The following RORA variants were observed in gnomAD, a reference collection of about 807,000 sequenced individuals.
The protein encoded by RORA is RAR related orphan receptor A.
In RORA, 7 loss-of-function variants were observed where a neutral mutation model predicts 69.5. The ratio of observed to expected loss-of-function variants is 0.10; its 90% CI spans 0.06 to 0.19. The LOEUF is 0.19. Ranked by LOEUF, RORA falls within the 10% of genes least tolerant of loss-of-function variation. The pLI is 1.00. For missense variants in RORA, 457 were observed against 663.0 expected (o/e 0.69, Z 3.41); for synonymous variants, 261 against 240.8 (o/e 1.08, Z -0.78).
At chr15:60,677,393 A>G (rs765156786) in intron 2 of RORA, 9 of 364,330 alleles carry the variant, frequency 2.5e-5, no homozygotes, top group Non-Finnish European at 5.1e-5. Context: ...GGGACAGCCA[A>G]CTGGAACTGT....
At chr15:60,593,168 C>CAACCCTTGGA (rs2068590188) in intron 2 of RORA, 1 of 301,928 alleles carries the variant, frequency 3.3e-6, no homozygotes, top group Non-Finnish European at 6.5e-6. Flanking sequence ...CAACCCTTGG[C>CAACCCTTGGA]AACCCTTGGA....
chr15:61,012,394 G>A (rs1030541763), intron 1 of RORA, among the ~76,000 whole-genome samples: 11 of 152,034 alleles, frequency 7.2e-5, no homozygotes, highest in African/African-American at 2.7e-4. Context: ...TGTTCCTCTT[G>A]CCTTATTCTC....
chr15:61,222,669 ATATCAT>A (rs1469741356), intron 1 of RORA, among the ~76,000 whole-genome samples: 1 of 152,196 alleles, frequency 6.6e-6, no homozygotes, highest in Non-Finnish European at 1.5e-5. Flanking sequence ...ACTGCAGACT[ATATCAT>A]TAAGTCAAGT....
chr15:60,712,995 A>G (rs1469242466), intron 1 of RORA, among the ~76,000 whole-genome samples: 1 of 152,196 alleles, frequency 6.6e-6, no homozygotes, highest in African/African-American at 2.4e-5. Flanking sequence ...GCAGGGAAAA[A>G]AAAACAACAA....
At chr15:60,627,028 G>T (rs2069601557) in intron 2 of RORA, among the ~76,000 whole-genome samples, 1 of 152,192 alleles carries the variant, frequency 6.6e-6, no homozygotes, top group South Asian at 2.1e-4. Flanking sequence ...GTCACCTCCT[G>T]ACCTTTGGCT....
At chr15:60,738,272 A>G (rs1218414147) in intron 1 of RORA, among the ~76,000 whole-genome samples, 1 of 152,258 alleles carries the variant, frequency 6.6e-6, no homozygotes, top group African/African-American at 2.4e-5. Flanking sequence ...CAACTCTTCA[A>G]TATGCCAGAG....
intron 1 of RORA, among the ~76,000 whole-genome samples, chr15:60,997,895 C>G (rs1304713716): frequency 6.6e-6 from 1 of 152,160 alleles, no homozygotes; most frequent in African/African-American, 2.4e-5. Context: ...TCAAGGAAAC[C>G]ATTTATTAGG....
At chr15:60,984,340 T>A (rs773444297) in intron 1 of RORA, among the ~76,000 whole-genome samples, 2 of 151,980 alleles carry the variant, frequency 1.3e-5, no homozygotes, top group Non-Finnish European at 1.5e-5. Flanking sequence ...TATATTTTTG[T>A]TGTTTTTAAA....
At chr15:60,742,291 T>C (rs1449254157) in intron 1 of RORA, among the ~76,000 whole-genome samples, 1 of 150,938 alleles carries the variant, frequency 6.6e-6, no homozygotes, top group Non-Finnish European at 1.5e-5. Context: ...CAGGTAGATA[T>C]GTAAGTGCAG....
rs193292152 is a variant in RORA, at chr15:60,715,796, C to T, written c.167-37110G>A. On this transcript the variant is annotated intron_variant, in intron 1 of 10. Coordinates refer to ENST00000335670, the MANE Select transcript of RORA (RefSeq NM_134261.3). ...CACAAACACACTCACCATTTAATAGCCAAAAATCCCTCTAAAATGTTAGGG... is the reference window on the plus strand; with the variant it reads ...CACAAACACACTCACCATTTAATAGTCAAAAATCCCTCTAAAATGTTAGGG... Among the ~76,000 whole-genome samples, 430 of 152,172 alleles carry T rather than the reference C, an allele frequency of 2.8e-3. 3 individuals carry two copies. The highest frequency in any genetic ancestry group is 9.9e-3 in the African/African-American group (412 of 41,520).
In RORA at chr15:60,772,092, T is replaced by C. The variant is rs865809241; in HGVS notation, c.167-93406A>G. ...TTATATTATACTTTAAGTTCTAGGA[T>C]ACAAGTGCATAACGTGCAGGTTTGA... On this transcript the variant is annotated intron_variant, in intron 1 of 10. Coordinates refer to ENST00000335670, the MANE Select transcript of RORA (RefSeq NM_134261.3). Among the ~76,000 whole-genome samples, 31 of 152,278 alleles carry C rather than the reference T, an allele frequency of 2.0e-4. No homozygotes were observed. In the Middle Eastern group the frequency reaches 0.01, roughly 50 times the overall value.
chr15:61,066,575 C>T (rs1265025334), intron 1 of RORA, among the ~76,000 whole-genome samples: 4 of 151,694 alleles, frequency 2.6e-5, no homozygotes, highest in African/African-American at 9.7e-5. Context: ...TACAGGCATG[C>T]GCCACCACGC....
At chr15:61,205,364 T>C (rs1486633233) in intron 1 of RORA, among the ~76,000 whole-genome samples, 1 of 152,184 alleles carries the variant, frequency 6.6e-6, no homozygotes, top group African/African-American at 2.4e-5. Flanking sequence ...TGCCGTGTCA[T>C]AAACTCTGCA....
chr15:60,974,343 C>G (rs936014838), intron 1 of RORA, among the ~76,000 whole-genome samples: 1 of 152,202 alleles, frequency 6.6e-6, no homozygotes. Context: ...TTCACCAGCA[C>G]CCCCTTGCCA....
intron 2 of RORA, among the ~76,000 whole-genome samples, chr15:60,602,163 G>A (rs1253443883): frequency 6.6e-6 from 1 of 152,100 alleles, no homozygotes; most frequent in Non-Finnish European, 1.5e-5. Flanking sequence ...ATATAACAGA[G>A]GTAATGTAGC....
At chr15:60,947,446 T>A (rs368398151) in intron 1 of RORA, among the ~76,000 whole-genome samples, 4,782 of 151,856 alleles carry the variant, frequency 0.031, 224 homozygotes, top group African/African-American at 0.11. Context: ...GTTAAATGGA[T>A]TAAGGGCGGT....
chr15:60,886,687 G>A (rs8036723), intron 1 of RORA, among the ~76,000 whole-genome samples: 98,106 of 152,088 alleles, frequency 0.65, 32,090 homozygotes, highest in African/African-American at 0.68. Flanking sequence ...TTTCTTGCAT[G>A]AACAATTGTA....
chr15:60,969,943 T>A (rs947833313), intron 1 of RORA, among the ~76,000 whole-genome samples: 3 of 152,186 alleles, frequency 2.0e-5, no homozygotes, highest in Non-Finnish European at 2.9e-5. Flanking sequence ...CTGAATCTGA[T>A]AGGATTAGTG....
At position 60,707,609 on chromosome 15, in the gene RORA, C is replaced by T. The variant is rs375668252; in HGVS notation, c.167-28923G>A. Among the ~76,000 whole-genome samples the T allele has an allele frequency of 1.1e-3, 161 of 152,188 alleles. 1 individual carries two copies. Among genetic ancestry groups the T allele is most frequent in the African/African-American group, 3.5e-3 (145 of 41,530 alleles). ...CGATCTCCTGACCTCGTGATCTGTC[C>T]GCCTCGGCCTCCCAAAGTGCTGGGA... On this transcript the variant is annotated intron_variant, in intron 1 of 10. Transcript: ENST00000335670.
Sources: allele counts gnomAD v4.1 joint callset (sites outside exome capture counted in the v4.1 genomes callset), GRCh38; gene constraint gnomAD v4.1.1; transcripts MANE v1.5; gene names NCBI Gene and HGNC (gene_info 2026-07-23, HGNC 2026-07-21).